Variants in CCDC192 observed in about 807,000 individuals in gnomAD.
The protein encoded by CCDC192 is coiled-coil domain-containing protein 192.
chr5:127,920,785 G>A (rs2127189471), intron 6 of CCDC192, among the ~76,000 whole-genome samples: 1 of 152,170 alleles, frequency 6.6e-6, no homozygotes, highest in South Asian at 2.1e-4. Flanking sequence ...TGGCGGCTGG[G>A]AGTGGTGGCT....
intron 6 of CCDC192, among the ~76,000 whole-genome samples, chr5:127,913,389 C>T (rs1753430231): frequency 6.6e-6 from 1 of 152,154 alleles, no homozygotes; most frequent in Non-Finnish European, 1.5e-5. Context: ...CATTGTTGGC[C>T]ACCTTAGTAA....
intron 6 of CCDC192, among the ~76,000 whole-genome samples, chr5:127,932,577 G>A (rs1754067490): frequency 6.6e-6 from 1 of 152,140 alleles, no homozygotes; most frequent in South Asian, 2.1e-4. Flanking sequence ...AGGGAATCTA[G>A]GATATTGTTG....
upstream of CCDC192, among the ~76,000 whole-genome samples, chr5:127,702,811 GGCTGGGAGAAAGTA>G (rs1336634277): frequency 6.6e-6 from 1 of 152,230 alleles, no homozygotes; most frequent in Non-Finnish European, 1.5e-5. Flanking sequence ...TACAGCAACT[GGCTGGGAGAAAGTA>G]GCTGGTGTCT....
intron 2 of CCDC192, among the ~76,000 whole-genome samples, chr5:127,714,360 T>A (rs1215922950): frequency 6.6e-6 from 1 of 152,160 alleles, no homozygotes; most frequent in Non-Finnish European, 1.5e-5. Flanking sequence ...ATTGACCCAG[T>A]AGTGGGGCTG....
At chr5:127,713,935 A>G (rs1432388885) in intron 2 of CCDC192, among the ~76,000 whole-genome samples, 1 of 152,238 alleles carries the variant, frequency 6.6e-6, no homozygotes, top group Non-Finnish European at 1.5e-5. Flanking sequence ...GCAGTGGAAC[A>G]CTAGAACTTA....
chr5:127,851,680 A>G (rs1750803839), intron 5 of CCDC192, among the ~76,000 whole-genome samples: 2 of 151,926 alleles, frequency 1.3e-5, no homozygotes, highest in Non-Finnish European at 2.9e-5. Context: ...CTGGTCTCGA[A>G]CTCCTGACCT....
chr5:127,729,959 G>T (rs1752547276), intron 2 of CCDC192, among the ~76,000 whole-genome samples: 1 of 151,972 alleles, frequency 6.6e-6, no homozygotes, highest in Non-Finnish European at 1.5e-5. Flanking sequence ...ACAAATAAAA[G>T]AACTAGAGAA....
intron 5 of CCDC192, among the ~76,000 whole-genome samples, chr5:127,799,656 G>A (rs1013540876): frequency 6.6e-6 from 1 of 152,144 alleles, no homozygotes; most frequent in African/African-American, 2.4e-5. Context: ...GATGAAAAAA[G>A]CCATAGTTCC....
At chr5:127,840,998 C>G (rs1338852281) in intron 5 of CCDC192, among the ~76,000 whole-genome samples, 1 of 152,128 alleles carries the variant, frequency 6.6e-6, no homozygotes, top group Non-Finnish European at 1.5e-5. Flanking sequence ...GACCTTTGAG[C>G]CTTTTCAGGT....
intron 5 of CCDC192, among the ~76,000 whole-genome samples, chr5:127,800,373 T>A: frequency 2.1e-5 from 1 of 47,358 alleles, no homozygotes; most frequent in Non-Finnish European, 3.2e-5. Context: ...TAAGAGGTAT[T>A]CTGAAAAAAA....
At chr5:127,714,277 A>G (rs1751497264) in intron 2 of CCDC192, among the ~76,000 whole-genome samples, 1 of 152,200 alleles carries the variant, frequency 6.6e-6, no homozygotes, top group African/African-American at 2.4e-5. Flanking sequence ...TATCTTTGCT[A>G]TTGTGAATAG....
chr5:127,716,817 G>A (rs1751647192), intron 2 of CCDC192, among the ~76,000 whole-genome samples: 1 of 152,098 alleles, frequency 6.6e-6, no homozygotes. Flanking sequence ...AGTTTTGAAG[G>A]GCTATCCCAG....
chr5:127,803,944 T>C (rs2126984570), intron 5 of CCDC192, among the ~76,000 whole-genome samples: 1 of 152,252 alleles, frequency 6.6e-6, no homozygotes, highest in South Asian at 2.1e-4. Flanking sequence ...CTTAAAAGTG[T>C]AGGACAGATG....
At chr5:127,792,838 G>GAGGAGA (rs1756957686) in intron 3 of CCDC192, among the ~76,000 whole-genome samples, 1 of 150,592 alleles carries the variant, frequency 6.6e-6, no homozygotes, top group Non-Finnish European at 1.5e-5. Flanking sequence ...GGAGGAGGAG[G>GAGGAGA]AGGAGGAGAA....
intron 5 of CCDC192, among the ~76,000 whole-genome samples, chr5:127,818,071 C>T (rs971212501): frequency 6.6e-6 from 1 of 152,144 alleles, no homozygotes; most frequent in Non-Finnish European, 1.5e-5. Context: ...AAAAACCCAG[C>T]ATAGCTTTTT....
intron 3 of CCDC192, among the ~76,000 whole-genome samples, chr5:127,788,853 T>G (rs1014731975): frequency 6.6e-6 from 1 of 152,206 alleles, no homozygotes; most frequent in Non-Finnish European, 1.5e-5. Context: ...AATTCCTAAT[T>G]TTTAATGTGA....
intron 5 of CCDC192, among the ~76,000 whole-genome samples, chr5:127,859,653 G>A (rs2127101686): frequency 6.6e-6 from 1 of 152,158 alleles, no homozygotes; most frequent in East Asian, 1.9e-4. Flanking sequence ...AAAAATAGCT[G>A]CTCTCCCATT....
intron 5 of CCDC192, chr5:127,857,626 G>C (rs1241634271): frequency 6.6e-6 from 1 of 152,194 alleles, no homozygotes; most frequent in East Asian, 1.9e-4. Flanking sequence ...GACTGTAGGG[G>C]CTGGCAAGTT....
intron 6 of CCDC192, among the ~76,000 whole-genome samples, chr5:127,927,153 G>C (rs1020792571): frequency 6.6e-6 from 1 of 152,106 alleles, no homozygotes; most frequent in Non-Finnish European, 1.5e-5. Context: ...GCATGGTTTT[G>C]CTTTCTTCAG....
Sources: allele counts gnomAD v4.1 joint callset (sites outside exome capture counted in the v4.1 genomes callset), GRCh38; gene constraint gnomAD v4.1.1; transcripts MANE v1.5; gene names NCBI Gene and HGNC (gene_info 2026-07-23, HGNC 2026-07-21).